Variants in DMD observed in about 807,000 individuals in gnomAD.
The protein encoded by DMD is dystrophin, also known as mutant dystrophin.
In DMD, 63 loss-of-function variants were observed where a neutral mutation model predicts 330.1. That is an observed-to-expected ratio of 0.19 (90% CI 0.16 to 0.24). The LOEUF (loss-of-function observed/expected upper bound fraction) is 0.24. Among genes scored for constraint, DMD ranks in the 10% least tolerant of loss-of-function variants. DMD has a pLI of 1.00. For synonymous variants in DMD, 1,223 were observed against 959.8 expected, an observed-to-expected ratio of 1.27 and a Z score of -5.07; for missense variants, 3,344 against 2,684.1, an observed-to-expected ratio of 1.25 and a Z score of -5.43.
At chrX:32,298,514 CAT>C (rs57786574) in intron 42 of DMD, among the ~76,000 whole-genome samples, 6 of 104,492 alleles carry the variant, frequency 5.7e-5, no homozygotes, top group African/African-American at 2.3e-4. Context: ...ATATAAAAGG[CAT>C]ATATATATAT....
rs1253749654 is a variant in DMD at position 32,076,086 on chromosome X, A to AG, written c.6439-107573_6439-107572insC. Among the ~76,000 whole-genome samples the AG allele has an allele frequency of 7.7e-4, 63 of 82,311 alleles. 1 individual carries two copies. Among genetic ancestry groups the AG allele is most frequent in the African/African-American group, 2.8e-3 (58 of 20,934 alleles). The allele number at this position is 82,311 out of a possible 115,157, so 71.5% of individuals were successfully genotyped here. ...AAAAAAAAAAAAAAAAAAAAAAAAA[A>AG]AGAGAGAGAGAGAGAGAGAGAAGTT... On this transcript the variant is annotated intron_variant, in intron 44 of 78. Transcript: ENST00000357033.
intron 44 of DMD, among the ~76,000 whole-genome samples, chrX:32,040,934 T>A (rs1371359955): frequency 9.0e-6 from 1 of 111,082 alleles, no homozygotes; most frequent in Non-Finnish European, 1.9e-5. Context: ...ATCCATAAGA[T>A]AACAATGTAT....
At chrX:33,100,148 C>G (rs1370586803) in intron 1 of DMD, among the ~76,000 whole-genome samples, 1 of 111,535 alleles carries the variant, frequency 9.0e-6, no homozygotes, top group Non-Finnish European at 1.9e-5. Context: ...AATGACTGGA[C>G]TATTCTTACA....
chrX:31,845,046 G>GTATATGTGTATACATATA (rs2060925035), intron 48 of DMD, among the ~76,000 whole-genome samples: 1 of 91,614 alleles, frequency 1.1e-5, no homozygotes, highest in Non-Finnish European at 2.1e-5. Context: ...ATATATATAT[G>GTATATGTGTATACATATA]TATATGTGTG....
intron 67 of DMD, among the ~76,000 whole-genome samples, chrX:31,192,467 T>A (rs960762155): frequency 6.2e-5 from 7 of 112,104 alleles, no homozygotes; most frequent in Non-Finnish European, 7.5e-5. Flanking sequence ...CTTGGTCTCA[T>A]GTGAAATGCC....
chrX:33,140,888 C>G (rs1332932345), intron 1 of DMD, among the ~76,000 whole-genome samples: 2 of 111,507 alleles, frequency 1.8e-5, no homozygotes, highest in Admixed American at 1.9e-4. Context: ...TATATTTACA[C>G]CAAGTTATGA....
At chrX:31,422,166 C>T (rs1249155218) in intron 60 of DMD, among the ~76,000 whole-genome samples, 1 of 107,089 alleles carries the variant, frequency 9.3e-6, no homozygotes, top group East Asian at 2.9e-4. Context: ...CCACCACACC[C>T]GGCTAAATGT....
intron 1 of DMD, among the ~76,000 whole-genome samples, chrX:33,077,576 T>C (rs1470709762): frequency 1.8e-5 from 2 of 111,693 alleles, no homozygotes; most frequent in Admixed American, 9.6e-5. Context: ...GCTTTGCAAC[T>C]GTTTGAGTGG....
chrX:32,986,127 C>T (rs1458286729), intron 2 of DMD, among the ~76,000 whole-genome samples: 1 of 111,663 alleles, frequency 9.0e-6, no homozygotes, highest in African/African-American at 3.3e-5. Context: ...TGAAATAATA[C>T]ATGTGATGTA....
chrX:32,861,911 A>T (rs192249437), intron 2 of DMD, among the ~76,000 whole-genome samples: 97 of 111,950 alleles, frequency 8.7e-4, no homozygotes, highest in African/African-American at 3.1e-3. Context: ...AGGGATGTCC[A>T]TATCAGAAAA....
At chrX:32,965,743 A>G (rs2092126900) in intron 2 of DMD, among the ~76,000 whole-genome samples, 1 of 111,632 alleles carries the variant, frequency 9.0e-6, no homozygotes, top group Non-Finnish European at 1.9e-5. Context: ...TAAATGGTCC[A>G]TGTGCACCTG....
At chrX:31,156,922 T>C (rs2038201526) in intron 74 of DMD, among the ~76,000 whole-genome samples, 1 of 111,606 alleles carries the variant, frequency 9.0e-6, no homozygotes, top group African/African-American at 3.3e-5. Flanking sequence ...AGCCACATTG[T>C]AGCCACCCCC....
intron 60 of DMD, among the ~76,000 whole-genome samples, chrX:31,421,967 A>G (rs1296974580): frequency 1.1e-3 from 80 of 72,080 alleles, no homozygotes; most frequent in Middle Eastern, 6.2e-3. Context: ...ATACACATAT[A>G]TATATACACA....
At chrX:32,837,154 G>A (rs935501275) in intron 4 of DMD, among the ~76,000 whole-genome samples, 7 of 111,871 alleles carry the variant, frequency 6.3e-5, no homozygotes, top group African/African-American at 2.3e-4. Flanking sequence ...AGATTCTCAA[G>A]TCCTCATTTC....
At chrX:31,477,101 C>T (rs759560756) in intron 59 of DMD, among the ~76,000 whole-genome samples, 2 of 111,799 alleles carry the variant, frequency 1.8e-5, no homozygotes, top group African/African-American at 3.2e-5. Flanking sequence ...CATTTGTGAT[C>T]GTAATGCCAC....
chrX:31,134,212 C>T lies in DMD; in HGVS notation c.10922-18G>A, dbSNP rs1285980980. Reference sequence around the variant, plus strand: ...TTCCTCACCTTAATAAAAGCAAAAACAAATAATGGAAAATTACATTTATAG... The same window carrying T: ...TTCCTCACCTTAATAAAAGCAAAAATAAATAATGGAAAATTACATTTATAG... On this transcript the variant is annotated intron_variant, in intron 76 of 78. Coordinates refer to ENST00000357033, the MANE Select transcript of DMD (RefSeq NM_004006.3). 8.6e-7 allele frequency: 1 copy of T among 1,156,577 alleles called. No homozygotes were observed. The highest frequency in any genetic ancestry group is 2.2e-5 in the Admixed American group (1 of 45,660).
At chrX:32,730,675 T>G (rs942880731) in intron 7 of DMD, among the ~76,000 whole-genome samples, 1 of 112,197 alleles carries the variant, frequency 8.9e-6, no homozygotes, top group South Asian at 3.7e-4. Context: ...GAGTTTGGAA[T>G]CTTTAATATA....
intron 50 of DMD, among the ~76,000 whole-genome samples, chrX:31,812,407 G>C (rs2092484731): frequency 1.3e-5 from 1 of 79,654 alleles, no homozygotes; most frequent in Non-Finnish European, 2.3e-5. Context: ...TCACACACTG[G>C]GGCCTGCTGT....
intron 1 of DMD, among the ~76,000 whole-genome samples, chrX:33,166,696 G>A (rs1343993475): frequency 1.8e-5 from 2 of 109,786 alleles, no homozygotes; most frequent in Non-Finnish European, 3.8e-5. Flanking sequence ...TTCAAAGAAT[G>A]GAATATAGTA....
Sources: gnomAD v4.1 joint callset for allele counts (sites outside exome capture counted in the v4.1 genomes callset) on GRCh38, gnomAD v4.1.1 for gene constraint, MANE v1.5 for transcripts, NCBI Gene and HGNC (gene_info 2026-07-23, HGNC 2026-07-21) for gene names.